The following CUBN variants were observed in gnomAD, a reference collection of about 807,000 sequenced individuals.
The protein encoded by CUBN is 460 kDa receptor.
Under a neutral mutation model 405.3 loss-of-function variants are expected in CUBN, and 282 were observed. That is an observed-to-expected ratio of 0.70 (90% CI 0.63 to 0.77). The LOEUF (loss-of-function observed/expected upper bound fraction) is 0.77. Among genes scored for constraint, CUBN ranks in the 30% least tolerant of loss-of-function variants. CUBN has a pLI of 0.00. For synonymous variants in CUBN, 1,684 were observed against 1,617.0 expected (o/e 1.04, Z -0.99); for missense variants, 4,514 against 4,475.2 (o/e 1.01, Z -0.25).
chr10:16,864,391 G>C (rs1453344669), intron 59 of CUBN, among the ~76,000 whole-genome samples: 2 of 152,090 alleles, frequency 1.3e-5, no homozygotes, highest in Non-Finnish European at 2.9e-5. Context: ...AATAGGGTTG[G>C]GCGGGGGGCT....
chr10:17,092,724 C>A (rs1342243005), intron 14 of CUBN, among the ~76,000 whole-genome samples: 1 of 152,120 alleles, frequency 6.6e-6, no homozygotes, highest in African/African-American at 2.4e-5. Flanking sequence ...AGAAGAGGAA[C>A]CCTCAGTTCC....
Position 17,077,989 on chromosome 10 carries a change from G to C in CUBN, c.2302-6018C>G, listed in dbSNP as rs573973042. On this transcript the variant is annotated intron_variant, in intron 17 of 66. Transcript: ENST00000377833. ...TGATATTCTAAAATCAAGAACACAT[G>C]AATAAGTTTTACCTAGAAGTGCCTT... Among the ~76,000 whole-genome samples the C allele has an allele frequency of 7.2e-5, 11 of 152,188 alleles. No homozygotes were observed. In the South Asian group the frequency reaches 2.1e-3, roughly 29 times the overall value.
At chr10:17,126,898 G>T in intron 3 of CUBN, 99 bp from the exon 4 acceptor site, 1 of 1,220,346 alleles carries the variant, frequency 8.2e-7, no homozygotes, top group Non-Finnish European at 1.2e-6. Flanking sequence ...CTCTGCTAGG[G>T]ACACACTTTG....
chr10:17,093,313 C>A (rs1313152810), intron 14 of CUBN, among the ~76,000 whole-genome samples: 1 of 152,062 alleles, frequency 6.6e-6, no homozygotes, highest in African/African-American at 2.4e-5. Context: ...AGGGAAGTTG[C>A]TAAGAATTGA....
intron 27 of CUBN, among the ~76,000 whole-genome samples, chr10:17,031,439 G>A (rs991668368): frequency 6.6e-6 from 1 of 152,132 alleles, no homozygotes; most frequent in Non-Finnish European, 1.5e-5. Flanking sequence ...GGGAAAGTGA[G>A]GCACATAGAC....
At chr10:16,984,317 T>C in intron 29 of CUBN, 38 bp from the exon 30 acceptor site, 1 of 1,594,150 alleles carries the variant, frequency 6.3e-7, no homozygotes, top group Non-Finnish European at 8.6e-7. Flanking sequence ...TTAAAAAATA[T>C]TTTAAGCAAT....
chr10:17,092,469 G>A (rs556247848), intron 14 of CUBN, among the ~76,000 whole-genome samples: 1 of 152,242 alleles, frequency 6.6e-6, no homozygotes, highest in South Asian at 2.1e-4. Context: ...ATAGTCACGG[G>A]ATGAGATAGG....
At chr10:16,955,209 T>TA (rs1293764360) in intron 31 of CUBN, among the ~76,000 whole-genome samples, 1 of 151,264 alleles carries the variant, frequency 6.6e-6, no homozygotes, top group Non-Finnish European at 1.5e-5. Context: ...CCGTCTCTAA[T>TA]AAAAAATACA....
chr10:17,054,752 T>G (rs1835352808), intron 22 of CUBN, among the ~76,000 whole-genome samples: 1 of 152,042 alleles, frequency 6.6e-6, no homozygotes, highest in South Asian at 2.1e-4. Context: ...TTCCCATAAC[T>G]GACTCAAAAT....
rs564669394 is a variant in CUBN at position 16,893,053 on chromosome 10, C to A, written c.8599-2526G>T. ...TGCCTTGCCTATCAAGAACTCATTTCATTGGCTATATGACAGAGGACTCAT... is the reference window on the plus strand; with the variant it reads ...TGCCTTGCCTATCAAGAACTCATTTAATTGGCTATATGACAGAGGACTCAT... On this transcript the variant is annotated intron_variant, in intron 54 of 66. Transcript: ENST00000377833. Among the ~76,000 whole-genome samples the A allele has an allele frequency of 2.6e-5, 4 of 152,288 alleles. No homozygotes were observed. The South Asian group carries it at 8.3e-4, about 32-fold the overall frequency.
chr10:16,925,525 T>G (rs1842160195), intron 42 of CUBN, 59 bp downstream of exon 42: 3 of 1,611,492 alleles, frequency 1.9e-6, no homozygotes, highest in African/African-American at 1.3e-5. Context: ...AATTATCATT[T>G]TGTTTTCTGA....
intron 41 of CUBN, among the ~76,000 whole-genome samples, chr10:16,926,192 A>G (rs1465356019): frequency 6.6e-6 from 1 of 152,188 alleles, no homozygotes; most frequent in Non-Finnish European, 1.5e-5. Flanking sequence ...CAGAGACATG[A>G]ATGAAATGAA....
At chr10:16,911,146 G>A (rs945086492) in intron 48 of CUBN, among the ~76,000 whole-genome samples, 5 of 152,276 alleles carry the variant, frequency 3.3e-5, no homozygotes, top group East Asian at 3.9e-4. Context: ...CACATCTGGG[G>A]TGGAGAGGGT....
rs567828300 is a variant in CUBN at position 16,979,320 on chromosome 10, T to C, written c.4695+3164A>G. ...ATCCATCAAGCTACCATTGACTTTCTTCACGGAATTAGAAAAAAAACTCTA... is the reference window on the plus strand; with the variant it reads ...ATCCATCAAGCTACCATTGACTTTCCTCACGGAATTAGAAAAAAAACTCTA... On this transcript the variant is annotated intron_variant, in intron 31 of 66. Coordinates refer to ENST00000377833, the MANE Select transcript of CUBN (RefSeq NM_001081.4). Among the ~76,000 whole-genome samples the C allele has an allele frequency of 2.6e-5, 4 of 152,292 alleles. No homozygotes were observed. The South Asian group carries it at 6.2e-4, about 24-fold the overall frequency.
At chr10:16,972,395 T>A (rs1447066110) in intron 31 of CUBN, among the ~76,000 whole-genome samples, 2 of 151,964 alleles carry the variant, frequency 1.3e-5, no homozygotes, top group Admixed American at 6.6e-5. Context: ...CAAGTCAAAC[T>A]CACTATCATC....
chr10:16,962,711 T>C (rs1171302808), intron 31 of CUBN, among the ~76,000 whole-genome samples: 1 of 152,136 alleles, frequency 6.6e-6, no homozygotes, highest in Non-Finnish European at 1.5e-5. Flanking sequence ...CAAGGTGCCG[T>C]GTTCTGAGAT....
At chr10:17,012,894 GCTC>G (rs1332909150) in intron 28 of CUBN, among the ~76,000 whole-genome samples, 1 of 152,152 alleles carries the variant, frequency 6.6e-6, no homozygotes, top group African/African-American at 2.4e-5. Context: ...CCTGAAGGGA[GCTC>G]CTCCTATGTC....
intron 31 of CUBN, among the ~76,000 whole-genome samples, chr10:16,968,019 G>C: frequency 6.6e-6 from 1 of 151,070 alleles, no homozygotes; most frequent in East Asian, 2.0e-4. Flanking sequence ...GAGAGGGAGA[G>C]AGGAAGAGGA....
intron 51 of CUBN, among the ~76,000 whole-genome samples, chr10:16,902,031 A>G (rs866101784): frequency 9.7e-5 from 13 of 134,000 alleles, no homozygotes; most frequent in African/African-American, 2.0e-4. Flanking sequence ...TATAGTGTGT[A>G]TATATATATA....
Sources: gnomAD v4.1 joint callset for allele counts (sites outside exome capture counted in the v4.1 genomes callset) on GRCh38, gnomAD v4.1.1 for gene constraint, MANE v1.5 for transcripts, NCBI Gene and HGNC (gene_info 2026-07-23, HGNC 2026-07-21) for gene names.